B3GLCT: variants seen among roughly 807,000 people sequenced by gnomAD.
The protein encoded by B3GLCT is beta 3-glucosyltransferase.
Under a neutral mutation model 63.4 loss-of-function variants are expected in B3GLCT, and 65 were observed. The ratio of observed to expected loss-of-function variants is 1.03; its 90% CI spans 0.84 to 1.26. B3GLCT has a LOEUF of 1.26. Among genes scored for constraint, B3GLCT ranks in the 50% most tolerant of loss-of-function variants. B3GLCT has a pLI of 0.00. For missense variants in B3GLCT, 577 were observed against 604.8 expected, an observed-to-expected ratio of 0.95 and a Z score of 0.48; for synonymous variants, 233 against 219.2, an observed-to-expected ratio of 1.06 and a Z score of -0.55.
intron 14 of B3GLCT, among the ~76,000 whole-genome samples, chr13:31,324,746 T>A (rs1295133223): frequency 1.3e-5 from 2 of 152,226 alleles, no homozygotes; most frequent in Non-Finnish European, 2.9e-5. Context: ...TTATTTATTT[T>A]GAGATAGGGT....
intron 6 of B3GLCT, among the ~76,000 whole-genome samples, chr13:31,257,706 TAG>T (rs780340214): frequency 6.6e-6 from 1 of 151,986 alleles, no homozygotes; most frequent in Non-Finnish European, 1.5e-5. Context: ...TGATAAATAA[TAG>T]AGAGTGAGGT....
intron 1 of B3GLCT, among the ~76,000 whole-genome samples, chr13:31,201,664 A>T (rs1318037106): frequency 6.6e-6 from 1 of 152,178 alleles, no homozygotes; most frequent in Non-Finnish European, 1.5e-5. Flanking sequence ...TGCACTTTAT[A>T]ATGCTGTACT....
chr13:31,326,951 T>G (rs1875654747), intron 14 of B3GLCT, among the ~76,000 whole-genome samples: 1 of 152,154 alleles, frequency 6.6e-6, no homozygotes, highest in South Asian at 2.1e-4. Context: ...TATGGTTTAT[T>G]TTTTTTCCTG....
Position 31,269,212 on chromosome 13 carries a change from A to G in B3GLCT, c.597-2A>G, listed in dbSNP as rs762180976. 3 of 1,603,414 alleles carry G rather than the reference A, an allele frequency of 1.9e-6. No individual in the cohort carries two copies. Among genetic ancestry groups the G allele is most frequent in the Admixed American group, 3.3e-5 (2 of 59,966 alleles). The stretch of plus-strand genomic sequence containing the variant: ...AAAAATCAAATTGTCTCTATTTTCT[A>G]GGCTTACCAAGAGACTAAAGAGTGA... On this transcript the variant is annotated splice_acceptor_variant, in intron 7 of 14. Transcript: ENST00000343307. LOFTEE classifies it high-confidence loss of function.
intron 2 of B3GLCT, among the ~76,000 whole-genome samples, chr13:31,219,906 A>T (rs1459835695): frequency 1.3e-5 from 2 of 152,188 alleles, no homozygotes; most frequent in Admixed American, 6.5e-5. Context: ...TGATGAAAAA[A>T]GGGTAGGTGC....
At chr13:31,238,364 A>T (rs1870757986) in intron 4 of B3GLCT, among the ~76,000 whole-genome samples, 1 of 152,222 alleles carries the variant, frequency 6.6e-6, no homozygotes, top group Non-Finnish European at 1.5e-5. Context: ...GTTTTCTGCA[A>T]CAAGGGTCAT....
rs1240568364 is a variant in B3GLCT at position 31,330,617 on chromosome 13, T to G, written c.*949T>G. 1 of 150,106 alleles carries G rather than the reference T, an allele frequency of 6.7e-6. No homozygotes were observed. The highest frequency in any genetic ancestry group is 1.5e-5 in the Non-Finnish European group (1 of 67,632). 9.3% of individuals were successfully genotyped at this position (150,106 alleles called of 1,614,324 possible). A position where few individuals can be genotyped will look rare whatever the true frequency, so the allele number is the denominator to read the frequency against. On this transcript the variant is annotated 3_prime_UTR_variant, in exon 15 of 15. Transcript: ENST00000343307. The stretch of plus-strand genomic sequence containing the variant: ...AGAAACCCCTTGTGGAAGGACAGCA[T>G]GGTGATCAGGCAATTTCTCTGGGTT...
At chr13:31,300,900 G>C (rs1874190032) in intron 12 of B3GLCT, among the ~76,000 whole-genome samples, 1 of 152,054 alleles carries the variant, frequency 6.6e-6, no homozygotes. Flanking sequence ...ATTAGTTTTT[G>C]GTCCCTGAGC....
intron 12 of B3GLCT, among the ~76,000 whole-genome samples, chr13:31,316,424 T>TATATATATATAC (rs1426894660): frequency 2.7e-5 from 3 of 111,590 alleles, no homozygotes; most frequent in Non-Finnish European, 5.5e-5. Flanking sequence ...TATATATATA[T>TATATATATATAC]ATATATAAAT....
chr13:31,220,751 G>C (rs1181507173), intron 2 of B3GLCT, among the ~76,000 whole-genome samples: 1 of 152,178 alleles, frequency 6.6e-6, no homozygotes. Flanking sequence ...TCAGTCAACA[G>C]AGCTGCTGTG....
intron 7 of B3GLCT, 88 bp downstream of exon 7, chr13:31,261,170 G>A (rs1351778535): frequency 1.4e-5 from 20 of 1,449,834 alleles, no homozygotes; most frequent in Non-Finnish European, 1.9e-5. Flanking sequence ...TGGATCTCAG[G>A]ATCTCAAATG....
chr13:31,206,842 G>A, intron 1 of B3GLCT, among the ~76,000 whole-genome samples: 1 of 152,160 alleles, frequency 6.6e-6, no homozygotes, highest in South Asian at 2.1e-4. Flanking sequence ...CCTCAGTCAG[G>A]TCTTTTGTGT....
At chr13:31,286,634 A>C in intron 11 of B3GLCT, 86 bp from the exon 12 acceptor site, 1 of 985,658 alleles carries the variant, frequency 1.0e-6, no homozygotes, top group South Asian at 1.6e-5. Context: ...AGCTCTTAGA[A>C]CACTTCAAAA....
chr13:31,224,020 C>T (rs1165749415), intron 3 of B3GLCT, among the ~76,000 whole-genome samples: 1 of 152,152 alleles, frequency 6.6e-6, no homozygotes, highest in Non-Finnish European at 1.5e-5. Context: ...GAAAGTGTTC[C>T]TTTCTAGGCC....
intron 5 of B3GLCT, 131 bp downstream of exon 5, chr13:31,247,230 A>G (rs1871237877): frequency 9.4e-6 from 7 of 742,434 alleles, no homozygotes; most frequent in South Asian, 3.1e-5. Flanking sequence ...TTTACTTTTT[A>G]TGATTACTAC....
chr13:31,250,698 G>C (rs1256417702), intron 6 of B3GLCT, among the ~76,000 whole-genome samples: 3 of 152,186 alleles, frequency 2.0e-5, no homozygotes, highest in African/African-American at 7.2e-5. Flanking sequence ...TCTGAAAAAA[G>C]GCAGCAGCCC....
intron 6 of B3GLCT, among the ~76,000 whole-genome samples, chr13:31,253,277 A>G (rs964635372): frequency 6.6e-6 from 1 of 152,188 alleles, no homozygotes; most frequent in African/African-American, 2.4e-5. Context: ...TCGAAAATCG[A>G]CACTCTAACA....
chr13:31,267,747 A>G (rs1360258879), intron 7 of B3GLCT, among the ~76,000 whole-genome samples: 1 of 152,228 alleles, frequency 6.6e-6, no homozygotes, highest in Non-Finnish European at 1.5e-5. Context: ...GAATTTTTAT[A>G]GAAATCTTTC....
intron 6 of B3GLCT, among the ~76,000 whole-genome samples, chr13:31,253,618 A>AAAAAAAAAAC (rs1555249042): frequency 6.1e-5 from 5 of 82,266 alleles, no homozygotes; most frequent in African/African-American, 1.5e-4. Flanking sequence ...AAAAAAAAAA[A>AAAAAAAAAAC]AAACTAGAGA....
Sources: allele counts gnomAD v4.1 joint callset (sites outside exome capture counted in the v4.1 genomes callset), GRCh38; gene constraint gnomAD v4.1.1; transcripts MANE v1.5; gene names NCBI Gene and HGNC (gene_info 2026-07-23, HGNC 2026-07-21).